RANBP17: variants seen among roughly 807,000 people sequenced by gnomAD.
RANBP17 encodes the protein ran-binding protein 17.
RANBP17 carries 158 observed loss-of-function variants against 141.2 expected under a neutral mutation model. The ratio of observed to expected loss-of-function variants is 1.12; its 90% CI spans 0.98 to 1.28. The LOEUF (loss-of-function observed/expected upper bound fraction) is 1.28. Ranked by LOEUF, RANBP17 falls within the 50% of genes most tolerant of loss-of-function variation. The pLI is 0.00. For synonymous variants in RANBP17, 430 were observed against 450.0 expected, an observed-to-expected ratio of 0.96 and a Z score of 0.56; for missense variants, 1,438 against 1,290.7, an observed-to-expected ratio of 1.11 and a Z score of -1.75.
At chr5:171,123,660 C>T (rs913709143) in intron 14 of RANBP17, among the ~76,000 whole-genome samples, 1 of 152,226 alleles carries the variant, frequency 6.6e-6, no homozygotes, top group South Asian at 2.1e-4. Context: ...CCTGCTACTG[C>T]ATGGTTGCCT....
At chr5:171,054,320 C>T (rs1194869054) in intron 14 of RANBP17, among the ~76,000 whole-genome samples, 2 of 152,152 alleles carry the variant, frequency 1.3e-5, no homozygotes, top group Non-Finnish European at 2.9e-5. Context: ...ACTGCGATTA[C>T]ACTTATAGTT....
intron 24 of RANBP17, among the ~76,000 whole-genome samples, chr5:171,246,513 T>C (rs1198508685): frequency 6.6e-6 from 1 of 152,238 alleles, no homozygotes; most frequent in South Asian, 2.1e-4. Context: ...TCCTGTTTTC[T>C]AGTTGTTTGG....
intron 14 of RANBP17, among the ~76,000 whole-genome samples, chr5:171,093,199 G>C (rs1456603019): frequency 5.2e-5 from 7 of 134,212 alleles, no homozygotes; most frequent in Non-Finnish European, 1.1e-4. Context: ...AATAGCAGTG[G>C]AACTCAGTCT....
At chr5:171,131,166 TTATAAGGATTAGAGGAGATTACC>T (rs2127789583) in intron 14 of RANBP17, among the ~76,000 whole-genome samples, 1 of 152,280 alleles carries the variant, frequency 6.6e-6, no homozygotes, top group East Asian at 1.9e-4. Flanking sequence ...CACAAGGCTG[TTATAAGGATTAGAGGAGATTACC>T]TGTAGTAAGC....
intron 25 of RANBP17, among the ~76,000 whole-genome samples, chr5:171,268,308 A>T (rs912235912): frequency 4.6e-5 from 7 of 152,156 alleles, no homozygotes; most frequent in African/African-American, 1.7e-4. Flanking sequence ...AGACCCCACA[A>T]CAACCCTGAA....
intron 22 of RANBP17, among the ~76,000 whole-genome samples, chr5:171,238,405 T>C (rs893375237): frequency 6.6e-6 from 1 of 152,158 alleles, no homozygotes; most frequent in African/African-American, 2.4e-5. Flanking sequence ...GATGATAGAT[T>C]ATGCAGTCCT....
At position 171,155,094 on chromosome 5, in the gene RANBP17, A is replaced by AAAAAAAAATAT. The variant is rs34090443; in HGVS notation, c.1711-15035_1711-15034insAAAAAAATATA. Reference sequence around the variant, plus strand: ...CTCCATCTAGAAAAAAAAAAAAAAAAATATATATATATATATATATATATA... The same window carrying AAAAAAAAATAT: ...CTCCATCTAGAAAAAAAAAAAAAAAAAAAAAAAATATATATATATATATATATATATATATA... On this transcript the variant is annotated intron_variant, in intron 14 of 27. Transcript: ENST00000523189. 3.9e-4 allele frequency among the ~76,000 whole-genome samples: 29 copies of AAAAAAAAATAT among 74,984 alleles called. 1 individual carries two copies. The allele number at this position is 74,984 out of a possible 152,430, so 49.2% of individuals were successfully genotyped here. A position where few individuals can be genotyped will look rare whatever the true frequency, so the allele number is the denominator to read the frequency against.
intron 14 of RANBP17, among the ~76,000 whole-genome samples, chr5:171,095,399 G>C (rs1448857555): frequency 6.6e-6 from 1 of 152,138 alleles, no homozygotes; most frequent in Non-Finnish European, 1.5e-5. Flanking sequence ...ATAGGCTATA[G>C]ACTTTATATG....
At chr5:170,899,509 T>C (rs188795902) in intron 5 of RANBP17, among the ~76,000 whole-genome samples, 19 of 152,312 alleles carry the variant, frequency 1.2e-4, no homozygotes, top group African/African-American at 4.3e-4. Context: ...ATACTCTTTA[T>C]TTCTTTCTCT....
At position 170,892,366 on chromosome 5, in the gene RANBP17, C is replaced by T. The variant is rs202205087; in HGVS notation, c.257-21C>T. The T allele has an allele frequency of 3.1e-4, 488 of 1,549,576 alleles. 3 individuals carry two copies. The highest frequency in any genetic ancestry group is 1.7e-4 in the Middle Eastern group (1 of 5,764). On this transcript the variant is annotated intron_variant, in intron 3 of 27. Transcript: ENST00000523189. ...TTGTTTCTGAAAAGTCCAGATGACC[C>T]ATGGAGTGTTTTCTTTGTAGGAAAC...
chr5:170,994,183 C>G (rs1365786600), intron 14 of RANBP17, among the ~76,000 whole-genome samples: 1 of 152,058 alleles, frequency 6.6e-6, no homozygotes, highest in Non-Finnish European at 1.5e-5. Context: ...TTAGGTCATA[C>G]AGCTGTAGAC....
At chr5:171,082,228 CAT>C (rs1785299477) in intron 14 of RANBP17, among the ~76,000 whole-genome samples, 1 of 152,058 alleles carries the variant, frequency 6.6e-6, no homozygotes, top group African/African-American at 2.4e-5. Context: ...TACACACACA[CAT>C]ATAGAATATA....
intron 14 of RANBP17, among the ~76,000 whole-genome samples, chr5:171,058,334 C>T (rs939104410): frequency 7.9e-6 from 1 of 125,936 alleles, no homozygotes; most frequent in African/African-American, 3.0e-5. Flanking sequence ...ACAACAGTCC[C>T]CAGAGTGTGA....
chr5:170,945,570 G>A (rs182506888), intron 12 of RANBP17, among the ~76,000 whole-genome samples: 1 of 152,234 alleles, frequency 6.6e-6, no homozygotes, highest in East Asian at 1.9e-4. Flanking sequence ...AACCTAGGCT[G>A]TGTTCTTATT....
At chr5:171,238,467 G>C (rs982007912) in intron 22 of RANBP17, among the ~76,000 whole-genome samples, 3 of 152,000 alleles carry the variant, frequency 2.0e-5, no homozygotes, top group Non-Finnish European at 4.4e-5. Flanking sequence ...TATTTCATCT[G>C]TTGCTACAGA....
intron 1 of RANBP17, among the ~76,000 whole-genome samples, chr5:170,869,881 A>G (rs946457752): frequency 2.0e-5 from 3 of 152,202 alleles, no homozygotes; most frequent in Admixed American, 1.3e-4. Flanking sequence ...AGGTAATGTT[A>G]AAAACAACTG....
At chr5:170,992,096 G>A (rs548435563) in intron 14 of RANBP17, among the ~76,000 whole-genome samples, 64 of 152,084 alleles carry the variant, frequency 4.2e-4, no homozygotes, top group African/African-American at 1.5e-3. Flanking sequence ...AGACAAAAGT[G>A]TGACTTCTGG....
chr5:171,077,909 C>T (rs1785032790), intron 14 of RANBP17, among the ~76,000 whole-genome samples: 2 of 152,238 alleles, frequency 1.3e-5, no homozygotes, highest in South Asian at 4.1e-4. Flanking sequence ...ACTCTATTCA[C>T]TTCTATGAAG....
intron 23 of RANBP17, 119 bp downstream of exon 23, chr5:171,241,261 A>C: frequency 4.2e-6 from 3 of 710,450 alleles, no homozygotes; most frequent in Non-Finnish European, 6.8e-6. Flanking sequence ...GTTTTAAGAC[A>C]GCATACTTGA....
Sources: allele counts gnomAD v4.1 joint callset (sites outside exome capture counted in the v4.1 genomes callset), GRCh38; gene constraint gnomAD v4.1.1; transcripts MANE v1.5; gene names NCBI Gene and HGNC (gene_info 2026-07-23, HGNC 2026-07-21).